Variants in ZCCHC2 observed in about 807,000 individuals in gnomAD.
The protein encoded by ZCCHC2 is zinc finger CCHC-type containing 2, also known as zinc finger CCHC domain-containing protein 2.
In ZCCHC2, 39 loss-of-function variants were observed where a neutral mutation model predicts 103.6. The observed-to-expected ratio is 0.38, with a 90% CI of 0.29 to 0.49. The LOEUF (loss-of-function observed/expected upper bound fraction) is 0.49, where lower values mean the gene tolerates loss of function less well. ZCCHC2 is among the 20% of genes least tolerant of loss of function. The probability of loss-of-function intolerance (pLI) is 0.96; values close to 1 mark genes in which losing one functional copy is unlikely to be tolerated. For missense variants in ZCCHC2, 1,483 were observed against 1,491.0 expected, an observed-to-expected ratio of 0.99 and a Z score of 0.09; for synonymous variants, 687 against 608.9, an observed-to-expected ratio of 1.13 and a Z score of -1.89.
intron 1 of ZCCHC2, among the ~76,000 whole-genome samples, chr18:62,530,776 G>T (rs1025332932): frequency 4.6e-5 from 7 of 152,190 alleles, no homozygotes; most frequent in Admixed American, 3.3e-4. Context: ...TGGATTTGGG[G>T]ATGGGAATGG....
intron 12 of ZCCHC2, among the ~76,000 whole-genome samples, 179 bp from the exon 13 acceptor site, chr18:62,573,878 G>T (rs1916689188): frequency 6.6e-6 from 1 of 152,138 alleles, no homozygotes; most frequent in South Asian, 2.1e-4. Flanking sequence ...ATAAAGCGTT[G>T]ATCTAATATC....
downstream of ZCCHC2, among the ~76,000 whole-genome samples, chr18:62,579,937 G>A (rs1005236465): frequency 1.3e-5 from 2 of 151,934 alleles, no homozygotes; most frequent in African/African-American, 4.8e-5. Context: ...CACTGTGTTG[G>A]CCAGGCTGGT....
rs529243093 is a variant in ZCCHC2, at chr18:62,523,680, G to A, written c.256G>A (p.Gly86Arg). Residue 86 changes from glycine to arginine, a missense_variant, in exon 1 of 14, where the codon GGG becomes AGG. Physicochemically the swap from Gly to Arg is moderately radical, Grantham distance 125 (BLOSUM62 -2). This residue lies in a region of ZCCHC2 where 568 missense variants were observed against 525.1 expected (regional missense o/e 1.08). Coordinates refer to ENST00000269499, the MANE Select transcript of ZCCHC2 (RefSeq NM_017742.6). The part of the protein sequence containing the change: ...AAGAGMPGGG[G>R]GPSAALREQE... ...GGGGGCGGGTATGCCGGGCGGCGGC[G>A]GGGGGCCCTCGGCGGCGCTGCGCGA... is the stretch of plus-strand genomic sequence containing the variant. The A allele has an allele frequency of 8.4e-4, 1,152 of 1,378,676 alleles. 3 individuals are homozygous for A. The highest frequency in any genetic ancestry group is 1.3e-3 in the South Asian group (81 of 60,214). 85.4% of individuals were successfully genotyped at this position (1,378,676 alleles called of 1,614,324 possible).
intron 12 of ZCCHC2, among the ~76,000 whole-genome samples, chr18:62,570,813 C>T (rs1185323567): frequency 6.6e-6 from 1 of 152,088 alleles, no homozygotes; most frequent in Non-Finnish European, 1.5e-5. Flanking sequence ...GCTATTTGTC[C>T]ATTTACATTT....
chr18:62,575,348 C>A lies in ZCCHC2; in HGVS notation c.3267C>A (p.Val1089=). Residue 1089 remains valine, a synonymous_variant, in exon 13 of 14, where the codon GTC becomes GTA. Coordinates refer to ENST00000269499, the MANE Select transcript of ZCCHC2 (RefSeq NM_017742.6). ...CAAATGGACTGGTACATGACCCAGTCATGGGGAGCCAAGCCAACTATGGCA... is the reference window on the plus strand; with the variant it reads ...CAAATGGACTGGTACATGACCCAGTAATGGGGAGCCAAGCCAACTATGGCA... The part of the protein sequence containing the change: ...PYANGLVHDP[V]MGSQANYGMQ... 1 of 1,613,916 alleles carries A rather than the reference C, an allele frequency of 6.2e-7. No homozygotes were observed. The highest frequency in any genetic ancestry group is 1.1e-5 in the South Asian group (1 of 91,038).
intron 1 of ZCCHC2, among the ~76,000 whole-genome samples, chr18:62,527,969 G>T (rs946837584): frequency 5.9e-5 from 9 of 152,150 alleles, no homozygotes; most frequent in Non-Finnish European, 7.3e-5. Flanking sequence ...GGGAAAATGG[G>T]TATTCTCATT....
At chr18:62,582,277 G>T (rs1365522310), downstream of ZCCHC2, among the ~76,000 whole-genome samples, 1 of 152,234 alleles carries the variant, frequency 6.6e-6, no homozygotes, top group Non-Finnish European at 1.5e-5. Context: ...TAAGGTGTTG[G>T]CCGTGGGAAG....
At chr18:62,529,159 CAAAA>C (rs67299838) in intron 1 of ZCCHC2, among the ~76,000 whole-genome samples, 8 of 67,550 alleles carry the variant, frequency 1.2e-4, no homozygotes, top group African/African-American at 2.8e-4. Context: ...GACAACGTCT[CAAAA>C]AAAAAAAAAA....
rs775455789 is a variant in ZCCHC2 at position 62,574,673 on chromosome 18, C to A, written c.2592C>A (p.Thr864=). The change falls in exon 13 of 14, where the codon ACC becomes ACA. Residue 864 remains threonine (T), a synonymous_variant. Transcript: ENST00000269499. The part of the protein sequence containing the change: ...PGSFPGSPVA[T]TDPITKSASQ... The stretch of plus-strand genomic sequence containing the variant: ...GTTTCCCAGGCTCTCCTGTTGCTAC[C>A]ACGGACCCCATCACAAAATCTGCAT... 13 of 1,613,958 alleles carry A rather than the reference C, an allele frequency of 8.1e-6. No individual in the cohort carries two copies. The highest frequency in any genetic ancestry group is 7.6e-6 in the Non-Finnish European group (9 of 1,179,884).
At chr18:62,585,715 C>A (rs7227946) in exon 15 of ZCCHC2, 34,059 of 152,172 alleles carry the variant, frequency 0.22, 4,069 homozygotes, top group South Asian at 0.32. Context: ...AAACCTGGCA[C>A]ACAGACATAA....
chr18:62,575,174 TTAC>T lies in ZCCHC2; in HGVS notation c.3096_3098del (p.Tyr1034del). ...CCAATGGAAACCTTCAGCTAAATAG[TTAC>T]TATTATCCTAATCCAATGCCTGGAC... On this transcript the variant is annotated inframe_deletion, in exon 13 of 14. Transcript: ENST00000269499. The T allele has an allele frequency of 6.2e-7, 1 of 1,614,008 alleles. No homozygotes were observed. The highest frequency in any genetic ancestry group is 8.5e-7 in the Non-Finnish European group (1 of 1,179,882).
At chr18:62,584,163 C>T (rs1054058277) in intron 14 of ZCCHC2, among the ~76,000 whole-genome samples, 2 of 152,188 alleles carry the variant, frequency 1.3e-5, no homozygotes, top group African/African-American at 4.8e-5. Flanking sequence ...GTACACATCA[C>T]CTGAGTTCTG....
At chr18:62,556,994 G>A (rs1464107291) in intron 6 of ZCCHC2, among the ~76,000 whole-genome samples, 2 of 152,180 alleles carry the variant, frequency 1.3e-5, no homozygotes, top group Non-Finnish European at 2.9e-5. Flanking sequence ...AGCATGCCCA[G>A]CTGTTGCCTG....
chr18:62,564,553 TTTTA>T lies in ZCCHC2; in HGVS notation c.1687-15_1687-12del. The stretch of plus-strand genomic sequence containing the variant: ...GGTTTAGCTTTTGTCTGATTTGTCT[TTTTA>T]TTCTTTCTACTAGCATTCTGCTGAA... On this transcript the variant is annotated splice_polypyrimidine_tract_variant and intron_variant, in intron 9 of 13. Transcript: ENST00000269499. 6.6e-7 allele frequency: 1 copy of T among 1,506,088 alleles called. No homozygotes were observed. Among genetic ancestry groups the T allele is most frequent in the African/African-American group, 1.4e-5 (1 of 71,378 alleles). 93.3% of individuals were successfully genotyped at this position (1,506,088 alleles called of 1,614,324 possible).
chr18:62,557,255 G>A (rs901829337), intron 6 of ZCCHC2, among the ~76,000 whole-genome samples: 3 of 152,102 alleles, frequency 2.0e-5, no homozygotes, highest in Non-Finnish European at 4.4e-5. Context: ...TAACATTGGC[G>A]TGTCCTTTAG....
chr18:62,567,958 A>AAAAAAAAAAAAAAAAAAC (rs1916444047), intron 11 of ZCCHC2, among the ~76,000 whole-genome samples: 2 of 147,952 alleles, frequency 1.4e-5, no homozygotes, highest in Admixed American at 6.8e-5. Flanking sequence ...AAAAAAAAAA[A>AAAAAAAAAAAAAAAAAAC]AGAATGCTCA....
At chr18:62,573,386 C>T (rs1236971217) in intron 12 of ZCCHC2, among the ~76,000 whole-genome samples, 1 of 152,052 alleles carries the variant, frequency 6.6e-6, no homozygotes, top group Non-Finnish European at 1.5e-5. Flanking sequence ...GAGTAGTAGC[C>T]GATGCAGTGT....
chr18:62,549,475 A>G (rs931246366), intron 4 of ZCCHC2, among the ~76,000 whole-genome samples: 1 of 152,240 alleles, frequency 6.6e-6, no homozygotes, highest in African/African-American at 2.4e-5. Flanking sequence ...TCAAAGCTCA[A>G]TATGTAAATC....
In ZCCHC2 at chr18:62,553,907, A is replaced by G. The variant is rs367703399; in HGVS notation, c.1314-2296A>G. ...CCCTGCTTGCGATTACTTCATGACCATAGAGGTGTTTTAAATTTTTATATA... is the reference window on the plus strand; with the variant it reads ...CCCTGCTTGCGATTACTTCATGACCGTAGAGGTGTTTTAAATTTTTATATA... On this transcript the variant is annotated intron_variant, in intron 5 of 13. Transcript: ENST00000269499. 1.7e-4 allele frequency among the ~76,000 whole-genome samples: 26 copies of G among 152,328 alleles called. 2 individuals carry two copies. In the East Asian group the frequency reaches 2.7e-3, roughly 16 times the overall value.
Sources: gnomAD v4.1 joint callset for allele counts (sites outside exome capture counted in the v4.1 genomes callset) on GRCh38, gnomAD v4.1.1 for gene constraint, gnomAD v4.1.1 regional missense constraint, MANE v1.5 for transcripts, NCBI Gene and HGNC (gene_info 2026-07-23, HGNC 2026-07-21) for gene names.